TP53INP2: variants seen among roughly 807,000 people sequenced by gnomAD.
TP53INP2 encodes tumor protein p53-inducible nuclear protein 2.
TP53INP2 carries 12 observed loss-of-function variants against 17.1 expected under a neutral mutation model. The ratio of observed to expected loss-of-function variants is 0.70; its 90% CI spans 0.45 to 1.14. The LOEUF (loss-of-function observed/expected upper bound fraction) is 1.14. Ranked by LOEUF, TP53INP2 falls within the 50% of genes most tolerant of loss-of-function variation. TP53INP2 has a pLI of 0.00. For synonymous variants in TP53INP2, 145 were observed against 147.3 expected, an observed-to-expected ratio of 0.98 and a Z score of 0.12; for missense variants, 342 against 330.9, an observed-to-expected ratio of 1.03 and a Z score of -0.26.
chr20:34,709,337 C>T lies in TP53INP2; in HGVS notation c.226C>T (p.Pro76Ser), dbSNP rs1344847948. The change falls in exon 4 of 5, where the codon CCC (proline) becomes TCC (serine). Residue 76 changes from proline (P) to serine (S), a missense_variant. Physicochemically the swap from Pro to Ser is moderately conservative, Grantham distance 74. Transcript: ENST00000374810. The surrounding 1 kb of genome is among the most constrained non-coding windows in gnomAD (Gnocchi z 5.4). Reference sequence around the variant, plus strand: ...GGACGAGAGCTGGTTTGTTACCCCTCCCGCCTGTTTTACGGCAGAGGGGCC... The same window carrying T: ...GGACGAGAGCTGGTTTGTTACCCCTTCCGCCTGTTTTACGGCAGAGGGGCC... ...LMDESWFVTPPACFTAEGPGL... is the reference protein window; with the variant it reads ...LMDESWFVTPSACFTAEGPGL... 1 of 1,613,454 alleles carries T rather than the reference C, an allele frequency of 6.2e-7. No individual in the cohort carries two copies. Among genetic ancestry groups the T allele is most frequent in the African/African-American group, 1.3e-5 (1 of 74,910 alleles).
Position 34,709,178 on chromosome 20 carries a change from TGTG to T in TP53INP2, c.125-57_125-55del, listed in dbSNP as rs1568684614. The stretch of plus-strand genomic sequence containing the variant: ...CTTGTCCGGTGTGTGTGTGTGTGTG[TGTG>T]TGTGCCTCCTCGCTGCTCCCCTCCT... On this transcript the variant is annotated intron_variant, in intron 3 of 4. Coordinates refer to ENST00000374810, the MANE Select transcript of TP53INP2 (RefSeq NM_021202.3). This position sits in a 1 kb window ranked among gnomAD's most constrained non-coding sequence, Gnocchi z 5.4. The T allele has an allele frequency of 4.0e-5, 59 of 1,492,312 alleles. No individual in the cohort carries two copies. The African/African-American group carries it at 7.7e-4, about 19-fold the overall frequency. 92.4% of individuals were successfully genotyped at this position (1,492,312 alleles called of 1,614,324 possible).
chr20:34,712,415 T>C lies in TP53INP2; in HGVS notation c.*2108T>C, dbSNP rs1988223793. The C allele has an allele frequency of 6.6e-6, 1 of 152,616 alleles. No individual in the cohort carries two copies. The allele number at this position is 152,616 out of a possible 1,614,324, so 9.5% of individuals were successfully genotyped here. On this transcript the variant is annotated 3_prime_UTR_variant, in exon 5 of 5. Coordinates refer to ENST00000374810, the MANE Select transcript of TP53INP2 (RefSeq NM_021202.3). Reference sequence around the variant, plus strand: ...TTTTAAAAGGCCTTTTGTTTACCTATATTTCTGGAGGCTCCTGTATTCTAG... The same window carrying C: ...TTTTAAAAGGCCTTTTGTTTACCTACATTTCTGGAGGCTCCTGTATTCTAG...
Position 34,709,308 on chromosome 20 carries a change from T to C in TP53INP2, c.197T>C (p.Leu66Ser). 1.2e-6 allele frequency: 2 copies of C among 1,612,396 alleles called. No individual in the cohort carries two copies. The highest frequency in any genetic ancestry group is 2.2e-5 in the South Asian group (2 of 91,016). Reference sequence around the variant, plus strand: ...GGCCGCCCTCCGCCCGCGCCCTCCTTGATGGACGAGAGCTGGTTTGTTACC... The same window carrying C: ...GGCCGCCCTCCGCCCGCGCCCTCCTCGATGGACGAGAGCTGGTTTGTTACC... ...PAGRPPPAPSLMDESWFVTPP... is the reference protein window; with the variant it reads ...PAGRPPPAPSSMDESWFVTPP... Residue 66 changes from leucine (L) to serine (S), a missense_variant, in exon 4 of 5, where the codon TTG (leucine) becomes TCG (serine). Leu to Ser is a moderately radical substitution (Grantham distance 145, BLOSUM62 -2). Transcript: ENST00000374810. The surrounding 1 kb of genome is among the most constrained non-coding windows in gnomAD (Gnocchi z 5.4).
intron 3 of TP53INP2, 123 bp downstream of exon 3, chr20:34,708,986 A>ACGGGGCCCCTTCC: frequency 1.4e-6 from 2 of 1,458,300 alleles, no homozygotes; most frequent in Non-Finnish European, 1.8e-6. Flanking sequence ...AGGTGGGGTC[A>ACGGGGCCCCTTCC]CGGGGCCCCT....
Position 34,709,012 on chromosome 20 carries a change from G to A in TP53INP2, c.124+149G>A. ...CGGGGCCCCTTCCCATGAAAGCCGG[G>A]GCTCTCTCCTGGCGGCCCAGGAGAG... On this transcript the variant is annotated intron_variant, in intron 3 of 4. Coordinates refer to ENST00000374810, the MANE Select transcript of TP53INP2 (RefSeq NM_021202.3). The surrounding 1 kb of genome is among the most constrained non-coding windows in gnomAD (Gnocchi z 5.4). The A allele has an allele frequency of 2.1e-6, 3 of 1,415,222 alleles. No homozygotes were observed. Among genetic ancestry groups the A allele is most frequent in the Non-Finnish European group, 2.8e-6 (3 of 1,071,978 alleles). 87.7% of individuals were successfully genotyped at this position (1,415,222 alleles called of 1,614,324 possible).
At position 34,709,160 on chromosome 20, in the gene TP53INP2, GGT is replaced by G. The variant is rs72441151; in HGVS notation, c.125-52_125-51del. ...CCTTTCTCTCCCCGCCCCCTTGTCC[GGT>G]GTGTGTGTGTGTGTGTGTGTGTGCC... is the stretch of plus-strand genomic sequence containing the variant. On this transcript the variant is annotated intron_variant, in intron 3 of 4. Transcript: ENST00000374810. This position sits in a 1 kb window ranked among gnomAD's most constrained non-coding sequence, Gnocchi z 5.4. 0.018 allele frequency: 23,146 copies of G among 1,315,430 alleles called. 216 individuals are homozygous for G. Among genetic ancestry groups the G allele is most frequent in the African/African-American group, 0.091 (6,133 of 67,130 alleles). 81.5% of individuals were successfully genotyped at this position (1,315,430 alleles called of 1,614,324 possible).
chr20:34,709,293 C>T lies in TP53INP2; in HGVS notation c.182C>T (p.Pro61Leu), dbSNP rs767072566. The T allele has an allele frequency of 4.3e-6, 7 of 1,609,610 alleles. No homozygotes were observed. Among genetic ancestry groups the T allele is most frequent in the South Asian group, 3.3e-5 (3 of 90,784 alleles). Residue 61 changes from proline (P) to leucine (L), a missense_variant, in exon 4 of 5, where the codon CCG becomes CTG. Pro to Leu is a moderately conservative substitution (Grantham distance 98). Transcript: ENST00000374810. The surrounding 1 kb of genome is among the most constrained non-coding windows in gnomAD (Gnocchi z 5.4). ...GCCCCTGCCCCCGCGGGCCGCCCTC[C>T]GCCCGCGCCCTCCTTGATGGACGAG... ...GAAPAPAGRP[P>L]PAPSLMDESW...
At position 34,709,362 on chromosome 20, in the gene TP53INP2, C is replaced by T. The variant is rs772790442; in HGVS notation, c.251C>T (p.Pro84Leu). 11 of 1,613,586 alleles carry T rather than the reference C, an allele frequency of 6.8e-6. No homozygotes were observed. In the African/African-American group the frequency reaches 1.5e-4, roughly 22 times the overall value. The change falls in exon 4 of 5, where the codon CCT becomes CTT. Residue 84 changes from proline (P) to leucine (L), a missense_variant. Transcript: ENST00000374810. This position sits in a 1 kb window ranked among gnomAD's most constrained non-coding sequence, Gnocchi z 5.4. Reference protein sequence around the residue: ...TPPACFTAEGPGLGPARLQSS... With the variant: ...TPPACFTAEGLGLGPARLQSS... ...CCCGCCTGTTTTACGGCAGAGGGGC[C>T]TGGACTCGGTCCCGCCCGCCTCCAG...
chr20:34,708,013 T>G (rs1227308204), intron 2 of TP53INP2, among the ~76,000 whole-genome samples: 2 of 152,166 alleles, frequency 1.3e-5, no homozygotes, highest in Non-Finnish European at 2.9e-5. Context: ...CACCCACTTC[T>G]GCCTCCCAAA....
rs1022251049 is a variant in TP53INP2, at chr20:34,709,635, G to T, written c.413+111G>T. On this transcript the variant is annotated intron_variant, in intron 4 of 4. Transcript: ENST00000374810. The surrounding 1 kb of genome is among the most constrained non-coding windows in gnomAD (Gnocchi z 5.4). The stretch of plus-strand genomic sequence containing the variant: ...GCCAGGAGCCCGCCCCGCGCTCGAG[G>T]GGGTAGCGGCCTTGGGAGGGTTGCC... 11 of 1,447,692 alleles carry T rather than the reference G, an allele frequency of 7.6e-6. No homozygotes were observed. The highest frequency in any genetic ancestry group is 2.4e-4 in the Middle Eastern group (1 of 4,210). 89.7% of individuals were successfully genotyped at this position (1,447,692 alleles called of 1,614,324 possible).
At position 34,709,457 on chromosome 20, in the gene TP53INP2, G is replaced by A. The variant is rs1453867626; in HGVS notation, c.346G>A (p.Val116Met). 5 of 1,613,562 alleles carry A rather than the reference G, an allele frequency of 3.1e-6. No individual in the cohort carries two copies. Among genetic ancestry groups the A allele is most frequent in the Non-Finnish European group, 4.2e-6 (5 of 1,179,880 alleles). Residue 116 changes from valine to methionine, a missense_variant, in exon 4 of 5, where the codon GTG becomes ATG. Physicochemically the swap from Val to Met is conservative, Grantham distance 21. Transcript: ENST00000374810. The surrounding 1 kb of genome is among the most constrained non-coding windows in gnomAD (Gnocchi z 5.4). Reference sequence around the variant, plus strand: ...CGTTTACGTCACCGGCAGCACCATAGTGCTAGAGCCCGGGTCCCCTTCCCC... The same window carrying A: ...CGTTTACGTCACCGGCAGCACCATAATGCTAGAGCCCGGGTCCCCTTCCCC... ...MSVYVTGSTIVLEPGSPSPLP... is the reference protein window; with the variant it reads ...MSVYVTGSTIMLEPGSPSPLP...
In TP53INP2 at chr20:34,713,148, A is replaced by T. The variant is rs1988253526; in HGVS notation, c.*2841A>T. 1 of 152,628 alleles carries T rather than the reference A, an allele frequency of 6.6e-6. No homozygotes were observed. The highest frequency in any genetic ancestry group is 6.5e-5 in the Admixed American group (1 of 15,276). The allele number at this position is 152,628 out of a possible 1,614,324, so 9.5% of individuals were successfully genotyped here. On this transcript the variant is annotated 3_prime_UTR_variant, in exon 5 of 5. Coordinates refer to ENST00000374810, the MANE Select transcript of TP53INP2 (RefSeq NM_021202.3). The stretch of plus-strand genomic sequence containing the variant: ...TGAGGGGACTGAATGCAGACACACC[A>T]TAGCCCCCTTCTACTACTTTCCCTC...
chr20:34,706,846 A>G (rs1424171905), intron 2 of TP53INP2, among the ~76,000 whole-genome samples: 1 of 152,192 alleles, frequency 6.6e-6, no homozygotes, highest in East Asian at 1.9e-4. Context: ...GGAAGTGTGG[A>G]AACACCCTTA....
Position 34,710,252 on chromosome 20 carries a change from C to A in TP53INP2, c.608C>A (p.Ser203Tyr). 6.8e-7 allele frequency: 1 copy of A among 1,474,258 alleles called. No individual in the cohort carries two copies. Among genetic ancestry groups the A allele is most frequent in the Non-Finnish European group, 9.1e-7 (1 of 1,101,860 alleles). 91.3% of individuals were successfully genotyped at this position (1,474,258 alleles called of 1,614,324 possible). A position where few individuals can be genotyped will look rare whatever the true frequency, so the allele number is the denominator to read the frequency against. Reference sequence around the variant, plus strand: ...GCCCGCGAGAGCCGTCCGCGCCGGTCCAAGAACCAGAGCAGCTTCATCTAC... The same window carrying A: ...GCCCGCGAGAGCCGTCCGCGCCGGTACAAGAACCAGAGCAGCTTCATCTAC... Reference protein sequence around the residue: ...NRARESRPRRSKNQSSFIYQP... With the variant: ...NRARESRPRRYKNQSSFIYQP... Residue 203 changes from serine (S) to tyrosine (Y), a missense_variant, in exon 5 of 5, where the codon TCC (serine) becomes TAC (tyrosine). Coordinates refer to ENST00000374810, the MANE Select transcript of TP53INP2 (RefSeq NM_021202.3). The surrounding 1 kb of genome is among the most constrained non-coding windows in gnomAD (Gnocchi z 4.9).
In TP53INP2 at chr20:34,709,189, C is replaced by A; in HGVS notation, c.125-47C>A. 6.7e-7 allele frequency: 1 copy of A among 1,499,484 alleles called. No homozygotes were observed. The highest frequency in any genetic ancestry group is 1.3e-5 in the South Asian group (1 of 76,974). 92.9% of individuals were successfully genotyped at this position (1,499,484 alleles called of 1,614,324 possible). On this transcript the variant is annotated intron_variant, in intron 3 of 4. Coordinates refer to ENST00000374810, the MANE Select transcript of TP53INP2 (RefSeq NM_021202.3). The surrounding 1 kb of genome is among the most constrained non-coding windows in gnomAD (Gnocchi z 5.4). ...TGTGTGTGTGTGTGTGTGTGTGCCTCCTCGCTGCTCCCCTCCTCTGCACGG... is the reference window on the plus strand; with the variant it reads ...TGTGTGTGTGTGTGTGTGTGTGCCTACTCGCTGCTCCCCTCCTCTGCACGG...
chr20:34,709,339 C>T lies in TP53INP2; in HGVS notation c.228C>T (p.Pro76=), dbSNP rs768618999. 8.7e-6 allele frequency: 14 copies of T among 1,613,590 alleles called. No homozygotes were observed. In the South Asian group the frequency reaches 1.4e-4, roughly 16 times the overall value. The change falls in exon 4 of 5, where the codon CCC becomes CCT. Residue 76 remains proline, a synonymous_variant. Transcript: ENST00000374810. This position sits in a 1 kb window ranked among gnomAD's most constrained non-coding sequence, Gnocchi z 5.4. ...LMDESWFVTP[P]ACFTAEGPGL... ...ACGAGAGCTGGTTTGTTACCCCTCC[C>T]GCCTGTTTTACGGCAGAGGGGCCTG...
Position 34,710,374 on chromosome 20 carries a change from G to C in TP53INP2, c.*67G>C. The C allele has an allele frequency of 7.2e-6, 9 of 1,258,708 alleles. No individual in the cohort carries two copies. The highest frequency in any genetic ancestry group is 9.0e-6 in the Non-Finnish European group (9 of 996,600). The allele number at this position is 1,258,708 out of a possible 1,614,324, so 78.0% of individuals were successfully genotyped here. A position where few individuals can be genotyped will look rare whatever the true frequency, so the allele number is the denominator to read the frequency against. ...CCCTGTCGGGCTCCTCCGACTCCTC[G>C]GGCTGGACACCGAAACCTCCCTTCT... On this transcript the variant is annotated 3_prime_UTR_variant, in exon 5 of 5. Transcript: ENST00000374810. The surrounding 1 kb of genome is among the most constrained non-coding windows in gnomAD (Gnocchi z 4.9).
rs760038931 is a variant in TP53INP2 at position 34,708,730 on chromosome 20, G to GC, written c.-4dup. 3.2e-5 allele frequency: 50 copies of GC among 1,568,588 alleles called. No individual in the cohort carries two copies. The South Asian group carries it at 4.3e-4, about 13-fold the overall frequency. On this transcript the variant is annotated 5_prime_UTR_variant, in exon 3 of 5. Coordinates refer to ENST00000374810, the MANE Select transcript of TP53INP2 (RefSeq NM_021202.3). ...ATAGGGCGCCCCCGTGAGGCGCTTC[G>GC]CCCCCCACCATGTTCCAGCGCCTCT...
At chr20:34,706,997 T>TG (rs1227386598) in intron 2 of TP53INP2, among the ~76,000 whole-genome samples, 1 of 152,084 alleles carries the variant, frequency 6.6e-6, no homozygotes, top group Non-Finnish European at 1.5e-5. Flanking sequence ...TAGGCTGGCA[T>TG]GGGGAGGGGG....
Sources: gnomAD v4.1 joint callset for allele counts (sites outside exome capture counted in the v4.1 genomes callset) on GRCh38, gnomAD v4.1.1 for gene constraint, Gnocchi (gnomAD v3.1) non-coding constraint, MANE v1.5 for transcripts, NCBI Gene and HGNC (gene_info 2026-07-23, HGNC 2026-07-21) for gene names.